CYP4F8: variants seen among roughly 807,000 people sequenced by gnomAD.
CYP4F8 encodes the protein cytochrome P450 family 4 subfamily F member 8, also known as cytochrome P450 4F8.
In CYP4F8, 56 loss-of-function variants were observed where a neutral mutation model predicts 55.0. That is an observed-to-expected ratio of 1.02 (90% CI 0.82 to 1.27). The LOEUF is 1.27. Ranked by LOEUF, CYP4F8 falls within the 50% of genes most tolerant of loss-of-function variation. The pLI is 0.00. For missense variants in CYP4F8, 680 were observed against 682.4 expected (o/e 1.00, Z 0.04); for synonymous variants, 288 against 267.3 (o/e 1.08, Z -0.76).
rs1972168192 is a variant in CYP4F8 at position 15,619,660 on chromosome 19, T to C, written c.423T>C (p.Gly141=). 1.2e-6 allele frequency: 2 copies of C among 1,614,116 alleles called. No homozygotes were observed. The highest frequency in any genetic ancestry group is 2.7e-5 in the African/African-American group (2 of 74,944). The change falls in exon 5 of 13, where the codon GGT becomes GGC. Residue 141 remains glycine, a synonymous_variant. Coordinates refer to ENST00000612078, the MANE Select transcript of CYP4F8 (RefSeq NM_007253.4). The stretch of plus-strand genomic sequence containing the variant: ...GGGATGGGCTCTTGTTAAGTGTTGG[T>C]GACAAGTGGAGACACCACCGTCGCT... ...WLGDGLLLSV[G]DKWRHHRRLL...
chr19:15,621,542 A>T (rs1972193914), intron 5 of CYP4F8: 1 of 152,028 alleles, frequency 6.6e-6, no homozygotes, highest in African/African-American at 2.4e-5. Context: ...TAGCAAACAA[A>T]CAAAACAAAC....
At position 15,619,776 on chromosome 19, in the gene CYP4F8, A is replaced by G. The variant is rs1234266287; in HGVS notation, c.525+14A>G. 1 of 1,613,322 alleles carries G rather than the reference A, an allele frequency of 6.2e-7. No homozygotes were observed. The highest frequency in any genetic ancestry group is 1.1e-5 in the South Asian group (1 of 91,014). On this transcript the variant is annotated intron_variant, in intron 5 of 12. Transcript: ENST00000612078. The stretch of plus-strand genomic sequence containing the variant: ...AACATCATGCATGTGAGTGCCTTGA[A>G]CTCAGCATCCCAGCTGCAGCCTTGG...
At chr19:15,624,842 C>G (rs1445864694) in intron 9 of CYP4F8, among the ~76,000 whole-genome samples, 1 of 152,206 alleles carries the variant, frequency 6.6e-6, no homozygotes. Context: ...CCATCCATAT[C>G]TATTTTTCTG....
At chr19:15,621,910 G>T in intron 5 of CYP4F8, 1 of 230,262 alleles carries the variant, frequency 4.3e-6, no homozygotes, top group Non-Finnish European at 8.4e-6. Flanking sequence ...CTGGCTCCCT[G>T]GCATCAAAGC....
At chr19:15,623,602 AG>A in intron 7 of CYP4F8, 96 bp from the exon 8 acceptor site, 6 of 1,421,338 alleles carry the variant, frequency 4.2e-6, no homozygotes, top group Non-Finnish European at 5.7e-6. Flanking sequence ...GGAGGTGACA[AG>A]GGAGGGATCC....
intron 3 of CYP4F8, 111 bp from the exon 4 acceptor site, chr19:15,619,379 T>C (rs1972163896): frequency 6.8e-6 from 9 of 1,322,788 alleles, no homozygotes; most frequent in Non-Finnish European, 9.4e-6. Context: ...CTTCCTGCTA[T>C]GCTGGGCTTG....
intron 9 of CYP4F8, among the ~76,000 whole-genome samples, chr19:15,625,191 T>G (rs1035036303): frequency 2.0e-5 from 3 of 151,554 alleles, no homozygotes; most frequent in Non-Finnish European, 4.4e-5. Context: ...TTTTCACATT[T>G]AGAAATTTTT....
chr19:15,625,181 T>C (rs1391690650), intron 9 of CYP4F8, among the ~76,000 whole-genome samples: 1 of 151,584 alleles, frequency 6.6e-6, no homozygotes, highest in Non-Finnish European at 1.5e-5. Flanking sequence ...TTATCAATAT[T>C]TTTCACATTT....
At chr19:15,622,383 G>A in intron 6 of CYP4F8, 43 bp downstream of exon 6, 8 of 1,593,540 alleles carry the variant, frequency 5.0e-6, no homozygotes, top group Non-Finnish European at 6.9e-6. Flanking sequence ...ATGGAGTGGG[G>A]GTGTGGGTGT....
At chr19:15,616,393 A>G (rs1436023270) in intron 2 of CYP4F8, among the ~76,000 whole-genome samples, 2 of 151,824 alleles carry the variant, frequency 1.3e-5, no homozygotes, top group Non-Finnish European at 2.9e-5. Context: ...GACTGTTTTG[A>G]ATTCTTTTCC....
intron 12 of CYP4F8, 136 bp downstream of exon 12, chr19:15,628,979 T>C: frequency 7.9e-7 from 1 of 1,260,634 alleles, no homozygotes; most frequent in Non-Finnish European, 1.1e-6. Flanking sequence ...AAGGGTGTGC[T>C]CAGAGCCTCC....
At chr19:15,622,018 G>T (rs1005099164) in intron 5 of CYP4F8, 1 of 618,446 alleles carries the variant, frequency 1.6e-6, no homozygotes, top group Non-Finnish European at 2.6e-6. Context: ...CACAGCTGGG[G>T]CTTGAACCCA....
chr19:15,618,138 A>G lies in CYP4F8; in HGVS notation c.337A>G (p.Thr113Ala). ...HPDIVRSVIN[T>A]SDAITDKDIV... ...TGACATCGTCCGATCTGTCATCAATACCTCAGGTACTCCTGCAGAGCTTGT... is the reference window on the plus strand; with the variant it reads ...TGACATCGTCCGATCTGTCATCAATGCCTCAGGTACTCCTGCAGAGCTTGT... Residue 113 changes from threonine to alanine, a missense_variant, in exon 3 of 13, where the codon ACC (threonine) becomes GCC (alanine). Coordinates refer to ENST00000612078, the MANE Select transcript of CYP4F8 (RefSeq NM_007253.4). The G allele has an allele frequency of 6.2e-7, 1 of 1,613,852 alleles. No homozygotes were observed. Among genetic ancestry groups the G allele is most frequent in the South Asian group, 1.1e-5 (1 of 91,070 alleles).
At chr19:15,628,620 T>C in intron 11 of CYP4F8, 25 bp downstream of exon 11, 2 of 1,611,274 alleles carry the variant, frequency 1.2e-6, no homozygotes, top group Non-Finnish European at 1.7e-6. Context: ...TGTTTCTCCA[T>C]CCCCCGGGCC....
Position 15,628,745 on chromosome 19 carries a change from C to G in CYP4F8, c.1315-16C>G. Reference sequence around the variant, plus strand: ...TGAGAGGCCCCATCAGCAGCCTTAACTTGCCTCCACCCCAGGTCTATGACC... The same window carrying G: ...TGAGAGGCCCCATCAGCAGCCTTAAGTTGCCTCCACCCCAGGTCTATGACC... On this transcript the variant is annotated splice_polypyrimidine_tract_variant and intron_variant, in intron 11 of 12. Coordinates refer to ENST00000612078, the MANE Select transcript of CYP4F8 (RefSeq NM_007253.4). 6.2e-7 allele frequency: 1 copy of G among 1,613,628 alleles called. No individual in the cohort carries two copies. The highest frequency in any genetic ancestry group is 8.5e-7 in the Non-Finnish European group (1 of 1,179,788).
At chr19:15,622,828 G>C (rs1023317477) in intron 6 of CYP4F8, 5 of 503,588 alleles carry the variant, frequency 9.9e-6, no homozygotes, top group African/African-American at 7.7e-5. Context: ...GTCTGAGTTT[G>C]GTGGAGAAAA....
intron 7 of CYP4F8, 153 bp from the exon 8 acceptor site, chr19:15,623,546 G>C: frequency 9.9e-7 from 1 of 1,011,542 alleles, no homozygotes; most frequent in South Asian, 1.8e-5. Context: ...AAGCTTCCTG[G>C]GAAGAACAAA....
chr19:15,619,553 T>A lies in CYP4F8; in HGVS notation c.397+10T>A. On this transcript the variant is annotated intron_variant, in intron 4 of 12. Transcript: ENST00000612078. ...CTGAAGCCCTGGCTGGGTAAGTAAC[T>A]GTAGGTGGACGGGACGGGGACCAAC... 7.4e-6 allele frequency: 12 copies of A among 1,614,186 alleles called. No individual in the cohort carries two copies. Among genetic ancestry groups the A allele is most frequent in the Non-Finnish European group, 1.0e-5 (12 of 1,180,024 alleles).
Position 15,628,814 on chromosome 19 carries a change from G to A in CYP4F8, c.1368G>A (p.Met456Ile), listed in dbSNP as rs1193057399. Residue 456 changes from methionine to isoleucine, a missense_variant, in exon 12 of 13, where the codon ATG becomes ATA. Met to Ile is a conservative substitution (Grantham distance 10). Coordinates refer to ENST00000612078, the MANE Select transcript of CYP4F8 (RefSeq NM_007253.4). ...DPENAQKRSP[M>I]AFIPFSAGPR... is the part of the protein sequence containing the mutation. ...AAAACGCCCAGAAGAGGTCACCTAT[G>A]GCTTTTATTCCTTTCTCGGCGGGGC... is the stretch of plus-strand genomic sequence containing the variant. 6.2e-7 allele frequency: 1 copy of A among 1,609,296 alleles called. No individual in the cohort carries two copies. Among genetic ancestry groups the A allele is most frequent in the Non-Finnish European group, 8.5e-7 (1 of 1,178,166 alleles).
Sources: allele counts gnomAD v4.1 joint callset (sites outside exome capture counted in the v4.1 genomes callset), GRCh38; gene constraint gnomAD v4.1.1; transcripts MANE v1.5; gene names NCBI Gene and HGNC (gene_info 2026-07-23, HGNC 2026-07-21).